IQCK: variants seen among roughly 807,000 people sequenced by gnomAD.
IQCK encodes the protein IQ motif containing K.
In IQCK, 29 loss-of-function variants were observed where a neutral mutation model predicts 28.1. The ratio of observed to expected loss-of-function variants is 1.03; its 90% confidence interval spans 0.77 to 1.41. The LOEUF (loss-of-function observed/expected upper bound fraction) is 1.41, where lower values mean the gene tolerates loss of function less well. Among genes scored for constraint, IQCK ranks in the 40% most tolerant of loss-of-function variants. IQCK has a pLI of 0.00. For missense variants in IQCK, 359 were observed against 314.7 expected (o/e 1.14, Z -1.07); for synonymous variants, 113 against 115.1 (o/e 0.98, Z 0.12).
chr16:19,832,934 A>C (rs1429985131), intron 9 of IQCK, among the ~76,000 whole-genome samples: 1 of 152,166 alleles, frequency 6.6e-6, no homozygotes, highest in Non-Finnish European at 1.5e-5. Flanking sequence ...CCCATGATCC[A>C]GTCACCTCCC....
intron 6 of IQCK, among the ~76,000 whole-genome samples, chr16:19,771,568 A>C (rs2055321545): frequency 6.6e-6 from 1 of 152,238 alleles, no homozygotes. Flanking sequence ...AAAATGATAC[A>C]TGCTGAGTGA....
chr16:19,841,444 A>G (rs994677966), intron 9 of IQCK, among the ~76,000 whole-genome samples: 1 of 152,198 alleles, frequency 6.6e-6, no homozygotes, highest in African/African-American at 2.4e-5. Context: ...AATAGTAGAA[A>G]GAGTCCTAGG....
intron 1 of IQCK, among the ~76,000 whole-genome samples, chr16:19,725,824 A>G (rs1334414705): frequency 6.6e-6 from 1 of 152,188 alleles, no homozygotes; most frequent in South Asian, 2.1e-4. Flanking sequence ...CTTCTACATA[A>G]TCATTTCAAC....
At chr16:19,821,035 G>C (rs547196627) in intron 7 of IQCK, among the ~76,000 whole-genome samples, 1 of 152,158 alleles carries the variant, frequency 6.6e-6, no homozygotes, top group African/African-American at 2.4e-5. Context: ...ATATCTACTA[G>C]GATGGCTATA....
rs554633102 is a variant in IQCK, at chr16:19,821,116, G to A, written c.691-5910G>A. On this transcript the variant is annotated intron_variant, in intron 7 of 7. Transcript: ENST00000564186. ...CCAGCTAGTCAGAAGAATGAGGTGG[G>A]AGGATTACTTGAGCCCAGGAGTTTG... is the stretch of plus-strand genomic sequence containing the variant. Among the ~76,000 whole-genome samples the A allele has an allele frequency of 1.3e-3, 199 of 152,252 alleles. 2 individuals are homozygous for A. The highest frequency in any genetic ancestry group is 4.7e-3 in the African/African-American group (195 of 41,548).
At chr16:19,735,717 C>T in intron 4 of IQCK, 1 of 439,956 alleles carries the variant, frequency 2.3e-6, no homozygotes, top group South Asian at 2.2e-5. Context: ...TGCAGTTTGG[C>T]ATCCACCAGG....
At chr16:19,815,131 A>T (rs967271933) in intron 7 of IQCK, among the ~76,000 whole-genome samples, 1 of 151,932 alleles carries the variant, frequency 6.6e-6, no homozygotes, top group African/African-American at 2.4e-5. Context: ...CATTTTCTGT[A>T]TTTTCCATTT....
chr16:19,806,493 C>G (rs992886783), intron 7 of IQCK, among the ~76,000 whole-genome samples: 2 of 151,514 alleles, frequency 1.3e-5, no homozygotes, highest in Non-Finnish European at 2.9e-5. Context: ...TGAGACTAGC[C>G]TGGGCAACAT....
At chr16:19,810,302 C>A (rs748274426) in intron 7 of IQCK, among the ~76,000 whole-genome samples, 50 of 151,380 alleles carry the variant, frequency 3.3e-4, no homozygotes, top group East Asian at 5.9e-4. Flanking sequence ...TGAGACCATC[C>A]TGGCTAACAC....
At chr16:19,826,625 G>A (rs1361767949) in intron 7 of IQCK, among the ~76,000 whole-genome samples, 1 of 152,198 alleles carries the variant, frequency 6.6e-6, no homozygotes, top group Non-Finnish European at 1.5e-5. Context: ...TGATCTGCCA[G>A]CCTCGGCCTC....
At chr16:19,723,292 T>A (rs1049893106) in intron 1 of IQCK, among the ~76,000 whole-genome samples, 5 of 152,156 alleles carry the variant, frequency 3.3e-5, no homozygotes, top group African/African-American at 1.2e-4. Flanking sequence ...CTACAATGAT[T>A]TTCATAGCTT....
At chr16:19,851,608 G>A (rs2056483363) in intron 9 of IQCK, among the ~76,000 whole-genome samples, 1 of 152,134 alleles carries the variant, frequency 6.6e-6, no homozygotes, top group Admixed American at 6.5e-5. Context: ...TAGTATGCAA[G>A]GCCCTTCTTG....
intron 6 of IQCK, among the ~76,000 whole-genome samples, chr16:19,774,948 C>T (rs1027456712): frequency 2.0e-5 from 3 of 151,924 alleles, no homozygotes; most frequent in Non-Finnish European, 4.4e-5. Context: ...TAAGGCCGGG[C>T]GTGGTGTCTT....
At chr16:19,779,658 CT>C (rs1195963593) in intron 6 of IQCK, among the ~76,000 whole-genome samples, 2 of 151,718 alleles carry the variant, frequency 1.3e-5, no homozygotes, top group Non-Finnish European at 2.9e-5. Context: ...AGGATTTATC[CT>C]CGTTATTTTT....
exon 2 of IQCK, chr16:19,730,466 A>G (rs1349706101): frequency 6.2e-7 from 1 of 1,609,256 alleles, no homozygotes; most frequent in Non-Finnish European, 8.5e-7. Context: ...CCAGAAGGAT[A>G]TAAAGTCAAA....
chr16:19,855,723 T>C (rs1049169278), intron 9 of IQCK, among the ~76,000 whole-genome samples: 1 of 152,114 alleles, frequency 6.6e-6, no homozygotes, highest in Non-Finnish European at 1.5e-5. Context: ...AGTAACAAGC[T>C]CAAACACCCT....
intron 7 of IQCK, among the ~76,000 whole-genome samples, chr16:19,823,613 C>T (rs1847618517): frequency 6.6e-6 from 1 of 152,172 alleles, no homozygotes; most frequent in Non-Finnish European, 1.5e-5. Flanking sequence ...AACTGTTCCT[C>T]TAGAATACAC....
At chr16:19,828,144 C>T (rs1029656629), downstream of IQCK, among the ~76,000 whole-genome samples, 1 of 151,800 alleles carries the variant, frequency 6.6e-6, no homozygotes, top group Non-Finnish European at 1.5e-5. Flanking sequence ...AACTCCTGAC[C>T]TCAAGTGATC....
At chr16:19,749,512 G>A (rs1326029630) in intron 4 of IQCK, among the ~76,000 whole-genome samples, 1 of 152,114 alleles carries the variant, frequency 6.6e-6, no homozygotes, top group Admixed American at 6.5e-5. Flanking sequence ...ATAGCCTCAG[G>A]ACTTTAGGAG....
Sources: gnomAD v4.1 joint callset for allele counts (sites outside exome capture counted in the v4.1 genomes callset) on GRCh38, gnomAD v4.1.1 for gene constraint, MANE v1.5 for transcripts, NCBI Gene and HGNC (gene_info 2026-07-23, HGNC 2026-07-21) for gene names.